Variants in IQGAP2 observed in about 807,000 individuals in gnomAD.
IQGAP2 encodes ras GTPase-activating-like protein IQGAP2.
Under a neutral mutation model 201.3 loss-of-function variants are expected in IQGAP2, and 173 were observed. That is an observed-to-expected ratio of 0.86 (90% confidence interval 0.76 to 0.98). The LOEUF (loss-of-function observed/expected upper bound fraction) is 0.98, where lower values mean the gene tolerates loss of function less well. Among genes scored for constraint, IQGAP2 ranks in the 50% least tolerant of loss-of-function variants. The probability of loss-of-function intolerance (pLI) is 0.00; values close to 1 mark genes in which losing one functional copy is unlikely to be tolerated. For synonymous variants in IQGAP2, 675 were observed against 673.9 expected (o/e 1.00, Z -0.03); for missense variants, 1,687 against 1,864.8 (o/e 0.90, Z 1.76).
rs901642028 is a variant in IQGAP2 at position 76,707,581 on chromosome 5, A to G, written c.*268A>G. 1.7e-5 allele frequency: 5 copies of G among 298,872 alleles called. No homozygotes were observed. Among genetic ancestry groups the G allele is most frequent in the Middle Eastern group, 9.3e-4 (1 of 1,070 alleles). 18.5% of individuals were successfully genotyped at this position (298,872 alleles called of 1,614,324 possible). ...GATTTAAAACTTTGGACATCCTGTG[A>G]TCTGTTTTAAAGTTGGGGGGTGGGA... On this transcript the variant is annotated 3_prime_UTR_variant, in exon 36 of 36. Transcript: ENST00000274364.
chr5:76,568,111 T>G (rs1486271114), intron 3 of IQGAP2, among the ~76,000 whole-genome samples: 2 of 152,214 alleles, frequency 1.3e-5, no homozygotes, highest in African/African-American at 4.8e-5. Context: ...CTCAGTATGT[T>G]GACAATGTTA....
chr5:76,507,323 A>G (rs1047659838), intron 2 of IQGAP2, among the ~76,000 whole-genome samples: 1 of 152,224 alleles, frequency 6.6e-6, no homozygotes, highest in African/African-American at 2.4e-5. Flanking sequence ...CATGCACAAA[A>G]ATGAACCCAG....
At chr5:76,601,754 T>G (rs141031100) in intron 11 of IQGAP2, among the ~76,000 whole-genome samples, 1 of 152,308 alleles carries the variant, frequency 6.6e-6, no homozygotes, top group East Asian at 1.9e-4. Context: ...TCTTGGGTCA[T>G]GTACAGTTGC....
rs536913887 is a variant in IQGAP2 at position 76,543,559 on chromosome 5, G to A, written c.147-18837G>A. On this transcript the variant is annotated intron_variant, in intron 2 of 35. Coordinates refer to ENST00000274364, the MANE Select transcript of IQGAP2 (RefSeq NM_006633.5). ...TGGGAACCTCGTTGTCACCAAGTCA[G>A]TACCAATGATTTGTGCTTCCTGTCA... Among the ~76,000 whole-genome samples, 272 of 152,294 alleles carry A rather than the reference G, an allele frequency of 1.8e-3. 1 individual carries two copies. The highest frequency in any genetic ancestry group is 6.3e-3 in the African/African-American group (263 of 41,544).
chr5:76,613,961 G>C (rs1394763390), intron 13 of IQGAP2, among the ~76,000 whole-genome samples: 1 of 152,146 alleles, frequency 6.6e-6, no homozygotes, highest in Non-Finnish European at 1.5e-5. Flanking sequence ...CCAAAGTGCT[G>C]GGATTACAGG....
intron 27 of IQGAP2, among the ~76,000 whole-genome samples, chr5:76,676,392 C>T (rs1444823699): frequency 1.3e-5 from 2 of 152,218 alleles, no homozygotes; most frequent in African/African-American, 4.8e-5. Context: ...CTCCCCCAGC[C>T]TCTGGCTGGG....
intron 2 of IQGAP2, among the ~76,000 whole-genome samples, chr5:76,552,381 A>G (rs913252893): frequency 1.3e-5 from 2 of 152,176 alleles, no homozygotes; most frequent in African/African-American, 4.8e-5. Flanking sequence ...TTTTTTTGCA[A>G]TATGGATAAG....
intron 15 of IQGAP2, among the ~76,000 whole-genome samples, chr5:76,634,034 G>A (rs1002121052): frequency 6.6e-6 from 1 of 150,774 alleles, no homozygotes; most frequent in African/African-American, 2.4e-5. Context: ...ATATCTTTTC[G>A]TACAACTGAT....
intron 2 of IQGAP2, among the ~76,000 whole-genome samples, chr5:76,545,257 C>T (rs1743027071): frequency 6.6e-6 from 1 of 152,186 alleles, no homozygotes; most frequent in Non-Finnish European, 1.5e-5. Flanking sequence ...TCATAAAAGG[C>T]AGCTACTGTT....
intron 2 of IQGAP2, among the ~76,000 whole-genome samples, chr5:76,463,644 A>G (rs1754615906): frequency 6.6e-6 from 1 of 152,098 alleles, no homozygotes; most frequent in Admixed American, 6.5e-5. Flanking sequence ...CTGTAGTTGA[A>G]TTTTGTTTCA....
chr5:76,704,821 G>A (rs1319178805), intron 35 of IQGAP2, among the ~76,000 whole-genome samples: 7 of 152,182 alleles, frequency 4.6e-5, no homozygotes, highest in Admixed American at 4.6e-4. Flanking sequence ...TGTGTAAATT[G>A]TCAAAGAGAA....
chr5:76,585,490 T>C (rs1202434887), intron 5 of IQGAP2, among the ~76,000 whole-genome samples: 1 of 151,990 alleles, frequency 6.6e-6, no homozygotes, highest in Non-Finnish European at 1.5e-5. Context: ...TATTTGTTCA[T>C]CTATTCTCAT....
chr5:76,631,974 T>C lies in IQGAP2; in HGVS notation c.1728T>C (p.Ala576=). 1.2e-6 allele frequency: 2 copies of C among 1,612,448 alleles called. No individual in the cohort carries two copies. Among genetic ancestry groups the C allele is most frequent in the Non-Finnish European group, 8.5e-7 (1 of 1,179,104 alleles). The change falls in exon 15 of 36, where the codon GCT becomes GCC. Residue 576 remains alanine, a synonymous_variant. Coordinates refer to ENST00000274364, the MANE Select transcript of IQGAP2 (RefSeq NM_006633.5). ...CAAATGACATAATCCCGGAGTGTGCTGACAAATACTATGATGCCCTTGTGA... is the reference window on the plus strand; with the variant it reads ...CAAATGACATAATCCCGGAGTGTGCCGACAAATACTATGATGCCCTTGTGA... ...SNANDIIPEC[A]DKYYDALVKA... is the part of the protein sequence containing the mutation.
At chr5:76,632,856 T>C (rs1750820665) in intron 15 of IQGAP2, among the ~76,000 whole-genome samples, 2 of 152,254 alleles carry the variant, frequency 1.3e-5, no homozygotes, top group African/African-American at 2.4e-5. Flanking sequence ...GTTTGTCTAG[T>C]AGTACTCTAT....
chr5:76,534,967 G>A (rs1759532313), intron 2 of IQGAP2, among the ~76,000 whole-genome samples: 3 of 152,138 alleles, frequency 2.0e-5, no homozygotes, highest in African/African-American at 7.2e-5. Context: ...TAAAGTATTT[G>A]TCCCTTGGGC....
intron 30 of IQGAP2, among the ~76,000 whole-genome samples, chr5:76,686,968 TTA>T (rs1244581417): frequency 2.6e-5 from 4 of 152,246 alleles, no homozygotes; most frequent in African/African-American, 7.2e-5. Context: ...CTCCATTCAC[TTA>T]TATGTCTATC....
chr5:76,681,641 G>C (rs1745308657), intron 28 of IQGAP2, among the ~76,000 whole-genome samples: 1 of 152,004 alleles, frequency 6.6e-6, no homozygotes, highest in Non-Finnish European at 1.5e-5. Flanking sequence ...GAAACAGGAT[G>C]GTCTTTCCTC....
intron 1 of IQGAP2, among the ~76,000 whole-genome samples, chr5:76,460,588 G>A (rs999199495): frequency 1.3e-5 from 2 of 152,178 alleles, no homozygotes; most frequent in East Asian, 1.9e-4. Flanking sequence ...CTGGACTCTC[G>A]CAATGGAGGT....
chr5:76,664,878 G>A, intron 21 of IQGAP2, 148 bp from the exon 22 acceptor site: 1 of 542,720 alleles, frequency 1.8e-6, no homozygotes, highest in Non-Finnish European at 3.3e-6. Flanking sequence ...GAAAAAAAAT[G>A]CGGTATCTGT....
Sources: allele counts gnomAD v4.1 joint callset (sites outside exome capture counted in the v4.1 genomes callset), GRCh38; gene constraint gnomAD v4.1.1; transcripts MANE v1.5; gene names NCBI Gene and HGNC (gene_info 2026-07-23, HGNC 2026-07-21).